Variants in AFDN observed in about 807,000 individuals in gnomAD.
AFDN encodes afadin, adherens junction formation factor.
In AFDN, 68 loss-of-function variants were observed where a neutral mutation model predicts 216.6. The observed-to-expected ratio is 0.31, with a 90% CI of 0.26 to 0.38. The LOEUF (loss-of-function observed/expected upper bound fraction) is 0.38, where lower values mean the gene tolerates loss of function less well. Among genes scored for constraint, AFDN ranks in the 10% least tolerant of loss-of-function variants. The pLI, the probability that AFDN is intolerant of heterozygous loss-of-function variation, is 1.00. For missense variants in AFDN, 2,136 were observed against 2,342.0 expected (o/e 0.91, Z 1.82); for synonymous variants, 868 against 853.7 (o/e 1.02, Z -0.29).
At position 167,846,089 on chromosome 6, in the gene AFDN, C is replaced by T. The variant is rs148388102; in HGVS notation, c.106-18462C>T. The stretch of plus-strand genomic sequence containing the variant: ...CCCTTGACATAAGGGGATTATGATT[C>T]GAGATGAGATTTGGGTGGGGGCACA... On this transcript the variant is annotated intron_variant, in intron 1 of 33. Transcript: ENST00000683244. 2.2e-3 allele frequency among the ~76,000 whole-genome samples: 331 copies of T among 151,952 alleles called. 3 individuals carry two copies. The highest frequency in any genetic ancestry group is 7.0e-3 in the African/African-American group (291 of 41,452).
At chr6:167,939,624 G>A (rs143612141) in intron 23 of AFDN, among the ~76,000 whole-genome samples, 48 of 152,302 alleles carry the variant, frequency 3.2e-4, no homozygotes, top group Admixed American at 3.1e-3. Flanking sequence ...ACAGGCGCTC[G>A]ATGGATATTT....
At chr6:167,859,110 G>A (rs1296397574) in intron 1 of AFDN, among the ~76,000 whole-genome samples, 1 of 148,372 alleles carries the variant, frequency 6.7e-6, no homozygotes, top group Non-Finnish European at 1.5e-5. Context: ...ATGCTTCCAG[G>A]TATATTATTT....
At chr6:167,833,094 G>C (rs1171474680) in intron 1 of AFDN, among the ~76,000 whole-genome samples, 1 of 152,182 alleles carries the variant, frequency 6.6e-6, no homozygotes, top group Non-Finnish European at 1.5e-5. Context: ...GTGCCTGACT[G>C]ACCTAGGCTG....
intron 23 of AFDN, among the ~76,000 whole-genome samples, chr6:167,938,212 A>G (rs986911040): frequency 6.6e-6 from 1 of 152,236 alleles, no homozygotes; most frequent in Non-Finnish European, 1.5e-5. Context: ...TGCATCAGAA[A>G]GACACTTGGT....
chr6:167,887,001 C>T (rs1485322325), intron 6 of AFDN, among the ~76,000 whole-genome samples: 1 of 114,286 alleles, frequency 8.7e-6, no homozygotes, highest in Non-Finnish European at 1.7e-5. Flanking sequence ...GGTGACAGAG[C>T]GAGACTGTAT....
At chr6:167,908,261 T>A (rs1302613214) in intron 13 of AFDN, among the ~76,000 whole-genome samples, 1 of 152,262 alleles carries the variant, frequency 6.6e-6, no homozygotes. Flanking sequence ...GTTTCCCAAC[T>A]TCCAGCAGAG....
At chr6:167,912,349 A>G (rs1297330478) in intron 15 of AFDN, among the ~76,000 whole-genome samples, 1 of 152,224 alleles carries the variant, frequency 6.6e-6, no homozygotes, top group Non-Finnish European at 1.5e-5. Flanking sequence ...AACTCTAGTT[A>G]TATAATGTTA....
intron 30 of AFDN, among the ~76,000 whole-genome samples, chr6:167,960,194 T>TG (rs1381696928): frequency 6.6e-6 from 1 of 152,190 alleles, no homozygotes; most frequent in Non-Finnish European, 1.5e-5. Flanking sequence ...ATTTATGTTT[T>TG]GGAGATGGAA....
Position 167,951,966 on chromosome 6 carries a change from C to T in AFDN, c.4612C>T (p.His1538Tyr). The change falls in exon 30 of 34, where the codon CAC becomes TAC. Residue 1538 changes from histidine (H) to tyrosine (Y), a missense_variant. Physicochemically the swap from His to Tyr is moderately conservative, Grantham distance 83. Transcript: ENST00000683244. The surrounding 1 kb of genome is among the most constrained non-coding windows in gnomAD (Gnocchi z 7.1). ...KEKLEKQQQM[H>Y]IVDMLSKEIQ... ...GAAGCTGGAGAAGCAGCAGCAGATG[C>T]ACATCGTGGACATGCTGAGCAAGGA... 4 of 1,614,170 alleles carry T rather than the reference C, an allele frequency of 2.5e-6. No homozygotes were observed. The highest frequency in any genetic ancestry group is 1.7e-6 in the Non-Finnish European group (2 of 1,180,036).
At chr6:167,923,922 G>A (rs954429565) in intron 22 of AFDN, among the ~76,000 whole-genome samples, 16 of 151,940 alleles carry the variant, frequency 1.1e-4, no homozygotes, top group African/African-American at 3.1e-4. Flanking sequence ...ACCTCGCCCG[G>A]CCCCTAATAC....
In AFDN at chr6:167,969,953, ACT is replaced by A. The variant is rs751790406; in HGVS notation, c.*19_*20del. The A allele has an allele frequency of 1.3e-6, 2 of 1,591,320 alleles. No individual in the cohort carries two copies. Among genetic ancestry groups the A allele is most frequent in the Non-Finnish European group, 1.7e-6 (2 of 1,172,632 alleles). ...CAAAGTGAAAGAAAATGAGGAGAACACTTTGTATTTACCCCAAAATCTTTTCA... is the reference window on the plus strand; with the variant it reads ...CAAAGTGAAAGAAAATGAGGAGAACATTGTATTTACCCCAAAATCTTTTCA... On this transcript the variant is annotated 3_prime_UTR_variant, in exon 34 of 34. Transcript: ENST00000683244.
chr6:167,921,230 A>G (rs1285489024), intron 21 of AFDN, among the ~76,000 whole-genome samples: 1 of 152,258 alleles, frequency 6.6e-6, no homozygotes, highest in Non-Finnish European at 1.5e-5. Flanking sequence ...ATCCTCACCA[A>G]GTTGGAAATA....
At chr6:167,886,551 TATAAG>T (rs1786835186) in intron 6 of AFDN, among the ~76,000 whole-genome samples, 1 of 152,182 alleles carries the variant, frequency 6.6e-6, no homozygotes, top group African/African-American at 2.4e-5. Flanking sequence ...TCCTGGGCCT[TATAAG>T]ATAATCCCTT....
chr6:167,917,349 C>A, intron 20 of AFDN, 117 bp downstream of exon 20: 2 of 1,130,328 alleles, frequency 1.8e-6, no homozygotes, highest in Non-Finnish European at 2.4e-6. Flanking sequence ...TCTCATCTTA[C>A]AAGATCATTT....
At chr6:167,901,465 T>C (rs1033002389) in intron 11 of AFDN, among the ~76,000 whole-genome samples, 18 of 152,220 alleles carry the variant, frequency 1.2e-4, no homozygotes, top group Admixed American at 9.2e-4. Context: ...AAGTGACATA[T>C]TTAGAAATTT....
chr6:167,865,420 C>T (rs896476201), intron 2 of AFDN, among the ~76,000 whole-genome samples: 4 of 151,512 alleles, frequency 2.6e-5, no homozygotes, highest in Admixed American at 6.6e-5. Context: ...TTGCTTGAGG[C>T]AACATAGTGA....
intron 33 of AFDN, 61 bp downstream of exon 33, chr6:167,969,259 C>A: frequency 1.6e-6 from 2 of 1,253,286 alleles, no homozygotes; most frequent in Non-Finnish European, 2.3e-6. Flanking sequence ...TTTCACTCTT[C>A]ACGACACCTT....
At chr6:167,948,025 C>A in intron 28 of AFDN, 81 bp downstream of exon 28, 1 of 1,060,962 alleles carries the variant, frequency 9.4e-7, no homozygotes, top group Non-Finnish European at 1.4e-6. Context: ...TTATCTAGTA[C>A]AATTTTTACT....
In AFDN at chr6:167,911,409, G is replaced by C; in HGVS notation, c.1957G>C (p.Asp653His). Residue 653 changes from aspartate to histidine, a missense_variant, in exon 15 of 34, where the codon GAC becomes CAC. By Grantham distance (81) the Asp-to-His change is moderately conservative. Coordinates refer to ENST00000683244, the MANE Select transcript of AFDN (RefSeq NM_001386888.1). ...TGTATTGTCCAACCAGTACAGACCTGACATCAGCCCTACAGAGCGCACACA... is the reference window on the plus strand; with the variant it reads ...TGTATTGTCCAACCAGTACAGACCTCACATCAGCCCTACAGAGCGCACACA... The part of the protein sequence containing the change: ...RYVLSNQYRP[D>H]ISPTERTHKV... 1 of 1,614,116 alleles carries C rather than the reference G, an allele frequency of 6.2e-7. No homozygotes were observed. Among genetic ancestry groups the C allele is most frequent in the Non-Finnish European group, 8.5e-7 (1 of 1,180,026 alleles).
Sources: allele counts gnomAD v4.1 joint callset (sites outside exome capture counted in the v4.1 genomes callset), GRCh38; gene constraint gnomAD v4.1.1; non-coding constraint Gnocchi (gnomAD v3.1); transcripts MANE v1.5; gene names NCBI Gene and HGNC (gene_info 2026-07-23, HGNC 2026-07-21).